The following FSTL5 variants were observed in gnomAD, a reference collection of about 807,000 sequenced individuals.
FSTL5 encodes follistatin-related protein 5.
In FSTL5, 62 loss-of-function variants were observed where a neutral mutation model predicts 89.1. The ratio of observed to expected loss-of-function variants is 0.70; its 90% CI spans 0.57 to 0.86. The LOEUF is 0.86. Among genes scored for constraint, FSTL5 ranks in the 40% least tolerant of loss-of-function variants. The pLI is 0.00. For synonymous variants in FSTL5, 383 were observed against 346.2 expected (o/e 1.11, Z -1.18); for missense variants, 1,057 against 1,001.6 (o/e 1.06, Z -0.75).
In FSTL5 at chr4:161,562,190, A is replaced by G. The variant is rs1362734135; in HGVS notation, c.1016-19497T>C. On this transcript the variant is annotated intron_variant, in intron 8 of 15. Transcript: ENST00000306100. Reference sequence around the variant, plus strand: ...TCTTTCAGTTTTGTTCTATTGATCTATGTCTATGCTGTGTCAGTATCACAC... The same window carrying G: ...TCTTTCAGTTTTGTTCTATTGATCTGTGTCTATGCTGTGTCAGTATCACAC... Among the ~76,000 whole-genome samples the G allele has an allele frequency of 5.9e-5, 9 of 151,898 alleles. No individual in the cohort carries two copies. In the South Asian group the frequency reaches 1.2e-3, roughly 21 times the overall value.
intron 15 of FSTL5, among the ~76,000 whole-genome samples, chr4:161,437,565 C>CAAAAAAAA (rs56229701): frequency 0.037 from 2,530 of 68,224 alleles, 341 homozygotes; most frequent in African/African-American, 0.075. Context: ...GACTCCGTCT[C>CAAAAAAAA]AAAAAAAAAA....
intron 4 of FSTL5, among the ~76,000 whole-genome samples, chr4:161,869,847 T>C (rs1407519908): frequency 6.6e-6 from 1 of 152,212 alleles, no homozygotes; most frequent in Non-Finnish European, 1.5e-5. Context: ...CTTACATTGA[T>C]ATAATTGGAC....
At chr4:161,857,079 T>C (rs1422861156) in intron 4 of FSTL5, among the ~76,000 whole-genome samples, 1 of 152,110 alleles carries the variant, frequency 6.6e-6, no homozygotes, top group Admixed American at 6.6e-5. Flanking sequence ...AAGCCATACA[T>C]TGGGATATTC....
At chr4:161,773,805 G>A (rs943523445) in intron 5 of FSTL5, among the ~76,000 whole-genome samples, 1 of 152,156 alleles carries the variant, frequency 6.6e-6, no homozygotes, top group African/African-American at 2.4e-5. Context: ...ACTAAAAATA[G>A]AACTACCATT....
At position 161,615,150 on chromosome 4, in the gene FSTL5, C is replaced by T. The variant is rs376770029; in HGVS notation, c.895-27575G>A. On this transcript the variant is annotated intron_variant, in intron 7 of 15. Transcript: ENST00000306100. ...TCTACTAAAAATACAAAAAATTAGCCGGGTGTGGAAGCGGGCGCCTGTAGT... is the reference window on the plus strand; with the variant it reads ...TCTACTAAAAATACAAAAAATTAGCTGGGTGTGGAAGCGGGCGCCTGTAGT... 5.9e-4 allele frequency among the ~76,000 whole-genome samples: 89 copies of T among 151,652 alleles called. 1 individual carries two copies. The highest frequency in any genetic ancestry group is 6.9e-4 in the Non-Finnish European group (47 of 67,874).
intron 10 of FSTL5, among the ~76,000 whole-genome samples, chr4:161,525,493 T>C (rs1731186604): frequency 1.3e-5 from 2 of 152,192 alleles, no homozygotes; most frequent in African/African-American, 4.8e-5. Context: ...CACATTTGAA[T>C]TACAGCAGTC....
chr4:161,471,185 T>C (rs1464154502), intron 13 of FSTL5, among the ~76,000 whole-genome samples: 1 of 152,244 alleles, frequency 6.6e-6, no homozygotes, highest in Non-Finnish European at 1.5e-5. Flanking sequence ...TCTCTCATTG[T>C]TGAATTTTTT....
intron 4 of FSTL5, among the ~76,000 whole-genome samples, chr4:161,868,549 A>T (rs1579155390): frequency 6.6e-6 from 1 of 152,316 alleles, no homozygotes; most frequent in East Asian, 1.9e-4. Context: ...CAATATTGTC[A>T]GAGTTATCTT....
At chr4:161,682,300 A>C (rs557669702) in intron 6 of FSTL5, among the ~76,000 whole-genome samples, 107 of 152,232 alleles carry the variant, frequency 7.0e-4, no homozygotes, top group Middle Eastern at 3.4e-3. Flanking sequence ...AGGTTACACA[A>C]AGTTAATTAA....
At chr4:161,609,048 A>G (rs1239067916) in intron 7 of FSTL5, among the ~76,000 whole-genome samples, 2 of 151,954 alleles carry the variant, frequency 1.3e-5, no homozygotes, top group African/African-American at 4.8e-5. Flanking sequence ...ATATAATTAT[A>G]TTAACTTACA....
chr4:161,988,360 T>G (rs1223517486), intron 3 of FSTL5, among the ~76,000 whole-genome samples: 1 of 152,054 alleles, frequency 6.6e-6, no homozygotes, highest in Non-Finnish European at 1.5e-5. Context: ...TAAATAAAAG[T>G]TCATACAGGA....
intron 8 of FSTL5, among the ~76,000 whole-genome samples, chr4:161,566,277 C>T (rs1361331585): frequency 6.6e-6 from 1 of 150,980 alleles, no homozygotes; most frequent in African/African-American, 2.4e-5. Context: ...ACAAATACCA[C>T]ATGTTTTTAC....
At chr4:161,583,971 C>A (rs1247645292) in intron 8 of FSTL5, among the ~76,000 whole-genome samples, 1 of 152,056 alleles carries the variant, frequency 6.6e-6, no homozygotes, top group African/African-American at 2.4e-5. Context: ...TATTTAACTT[C>A]TTCTCTCCTA....
chr4:162,097,056 T>TA (rs1217181601), intron 2 of FSTL5, among the ~76,000 whole-genome samples: 3 of 151,924 alleles, frequency 2.0e-5, no homozygotes, highest in African/African-American at 7.2e-5. Context: ...TTACAACAGT[T>TA]ATATCTTTTT....
At chr4:161,581,308 G>A (rs768525381) in intron 8 of FSTL5, among the ~76,000 whole-genome samples, 13 of 152,142 alleles carry the variant, frequency 8.5e-5, no homozygotes, top group South Asian at 2.1e-4. Context: ...ACCACAGTTT[G>A]ACAATCACTG....
chr4:161,940,823 A>G (rs750972878), intron 3 of FSTL5, among the ~76,000 whole-genome samples: 196 of 135,534 alleles, frequency 1.4e-3, no homozygotes, highest in Admixed American at 3.9e-3. Context: ...CATGAAAAAA[A>G]CAAAACAAAA....
intron 8 of FSTL5, among the ~76,000 whole-genome samples, chr4:161,565,272 C>T (rs1732757794): frequency 6.6e-6 from 1 of 151,722 alleles, no homozygotes; most frequent in African/African-American, 2.4e-5. Context: ...GCCATAAGAA[C>T]ATCTTTTTGC....
In FSTL5 at chr4:161,626,092, G is replaced by A. The variant is rs139861761; in HGVS notation, c.894+30236C>T. 2.9e-3 allele frequency among the ~76,000 whole-genome samples: 441 copies of A among 152,242 alleles called. 2 individuals are homozygous for A. Among genetic ancestry groups the A allele is most frequent in the African/African-American group, 0.01 (418 of 41,564 alleles). ...AGTGCATGGTGACACGAATGCTGAT[G>A]TAGAAGCTGCAGCAAGTTATCCAGA... On this transcript the variant is annotated intron_variant, in intron 7 of 15. Coordinates refer to ENST00000306100, the MANE Select transcript of FSTL5 (RefSeq NM_020116.5).
chr4:161,438,184 T>C (rs1042132059), intron 15 of FSTL5, among the ~76,000 whole-genome samples: 5 of 152,192 alleles, frequency 3.3e-5, no homozygotes, highest in African/African-American at 1.2e-4. Context: ...GAAAAGGCTA[T>C]GGATGTAAAG....
Sources: allele counts gnomAD v4.1 joint callset (sites outside exome capture counted in the v4.1 genomes callset), GRCh38; gene constraint gnomAD v4.1.1; transcripts MANE v1.5; gene names NCBI Gene and HGNC (gene_info 2026-07-23, HGNC 2026-07-21).